The following PARD3B variants were observed in gnomAD, a reference collection of about 807,000 sequenced individuals.
PARD3B encodes the protein par-3 family cell polarity regulator beta, also known as partitioning defective 3 homolog B.
A neutral mutation model predicts 130.2 loss-of-function variants in PARD3B; 103 were observed. The ratio of observed to expected loss-of-function variants is 0.79; its 90% CI spans 0.67 to 0.93. PARD3B has a LOEUF of 0.93. Among genes scored for constraint, PARD3B ranks in the 40% least tolerant of loss-of-function variants. The pLI, the probability that PARD3B is intolerant of heterozygous loss-of-function variation, is 0.00. For missense variants in PARD3B, 1,609 were observed against 1,499.2 expected (o/e 1.07, Z -1.21); for synonymous variants, 583 against 553.2 (o/e 1.05, Z -0.76).
intron 2 of PARD3B, among the ~76,000 whole-genome samples, chr2:204,952,803 C>G (rs1689885179): frequency 6.6e-6 from 1 of 151,846 alleles, no homozygotes; most frequent in Non-Finnish European, 1.5e-5. Flanking sequence ...TGGAGACCAT[C>G]CTGGCTAACA....
rs1002444330 is a variant in PARD3B, at chr2:204,890,250, A to T, written c.223-74902A>T. ...TACAGGAAGGTATGCTTTGGTTCAG[A>T]ACTGCATACATAGTAGGCATTTTAT... On this transcript the variant is annotated intron_variant, in intron 2 of 22. Coordinates refer to ENST00000406610, the MANE Select transcript of PARD3B (RefSeq NM_001302769.2). The surrounding 1 kb of genome is among the most constrained non-coding windows in gnomAD (Gnocchi z 4.9). Among the ~76,000 whole-genome samples, 22 of 152,334 alleles carry T rather than the reference A, an allele frequency of 1.4e-4. No homozygotes were observed. The East Asian group carries it at 3.5e-3, about 24-fold the overall frequency.
chr2:204,854,886 T>C (rs1371474051), intron 2 of PARD3B, among the ~76,000 whole-genome samples: 1 of 151,940 alleles, frequency 6.6e-6, no homozygotes, highest in African/African-American at 2.4e-5. Flanking sequence ...AGGTTTTTAA[T>C]AGGAAGAAAA....
chr2:205,205,661 G>T (rs1196149899), intron 15 of PARD3B, among the ~76,000 whole-genome samples: 1 of 152,146 alleles, frequency 6.6e-6, no homozygotes, highest in Non-Finnish European at 1.5e-5. Flanking sequence ...CTGAAGCAGT[G>T]TTGAATTTTA....
At chr2:204,951,413 G>A (rs1023756052) in intron 2 of PARD3B, among the ~76,000 whole-genome samples, 2 of 151,952 alleles carry the variant, frequency 1.3e-5, no homozygotes, top group Non-Finnish European at 2.9e-5. Flanking sequence ...ACCTAAAATC[G>A]TCCTGCCAGC....
chr2:204,855,554 T>A (rs59111668), intron 2 of PARD3B, among the ~76,000 whole-genome samples: 22,606 of 126,402 alleles, frequency 0.18, 1,730 homozygotes, highest in African/African-American at 0.28. Context: ...GAAAAAAAAA[T>A]ATATATATAT....
chr2:204,838,619 T>C (rs1368485617), intron 2 of PARD3B, among the ~76,000 whole-genome samples: 1 of 152,032 alleles, frequency 6.6e-6, no homozygotes. Context: ...ATATACAGTG[T>C]GATAGAAGAA....
At chr2:205,025,546 A>G (rs1696951490) in intron 3 of PARD3B, among the ~76,000 whole-genome samples, 1 of 152,098 alleles carries the variant, frequency 6.6e-6, no homozygotes, top group African/African-American at 2.4e-5. Context: ...TGTTGACAGA[A>G]TTTGTGCCAC....
chr2:204,940,031 A>T (rs1301787657), intron 2 of PARD3B, among the ~76,000 whole-genome samples: 1 of 152,220 alleles, frequency 6.6e-6, no homozygotes, highest in East Asian at 1.9e-4. Flanking sequence ...AAAGATAAGC[A>T]TTGCTTTCAC....
At chr2:204,838,179 C>T (rs1384965495) in intron 2 of PARD3B, among the ~76,000 whole-genome samples, 1 of 138,832 alleles carries the variant, frequency 7.2e-6, no homozygotes, top group Non-Finnish European at 1.7e-5. Context: ...GTTTTGTTTT[C>T]GTTATTATTA....
chr2:205,341,373 A>C lies in PARD3B; in HGVS notation c.2630+39672A>C, dbSNP rs1339913586. On this transcript the variant is annotated intron_variant, in intron 18 of 22. Transcript: ENST00000406610. This position sits in a 1 kb window ranked among gnomAD's most constrained non-coding sequence, Gnocchi z 4.3. Reference sequence around the variant, plus strand: ...CATTAACAGATGAGTAATTAAAGAAAATGTGGTATATATACACAATGGAAT... The same window carrying C: ...CATTAACAGATGAGTAATTAAAGAACATGTGGTATATATACACAATGGAAT... Among the ~76,000 whole-genome samples the C allele has an allele frequency of 5.9e-5, 9 of 152,294 alleles. No homozygotes were observed. The East Asian group carries it at 1.7e-3, about 29-fold the overall frequency.
rs758366608 is a variant in PARD3B, at chr2:205,265,138, G to T, written c.2185+19316G>T. 2.0e-5 allele frequency among the ~76,000 whole-genome samples: 3 copies of T among 152,012 alleles called. No individual in the cohort carries two copies. The highest frequency in any genetic ancestry group is 4.4e-5 in the Non-Finnish European group (3 of 67,918). On this transcript the variant is annotated intron_variant, in intron 16 of 22. Coordinates refer to ENST00000406610, the MANE Select transcript of PARD3B (RefSeq NM_001302769.2). This position sits in a 1 kb window ranked among gnomAD's most constrained non-coding sequence, Gnocchi z 4.3. Reference sequence around the variant, plus strand: ...AATACTTCATTTTTTAGGCAAGAATGGTAATCGGTTCTGTTCTATTAGCCT... The same window carrying T: ...AATACTTCATTTTTTAGGCAAGAATTGTAATCGGTTCTGTTCTATTAGCCT...
rs1029636394 is a variant in PARD3B, at chr2:205,463,943, C to T, written c.3044+23271C>T. On this transcript the variant is annotated intron_variant, in intron 20 of 22. Transcript: ENST00000406610. The surrounding 1 kb of genome is among the most constrained non-coding windows in gnomAD (Gnocchi z 4.8). The stretch of plus-strand genomic sequence containing the variant: ...AGGGATCTTCACTAAAACCTTCATC[C>T]CAGGTAACCAGGCAGATTTTATTTC... Among the ~76,000 whole-genome samples, 3 of 152,086 alleles carry T rather than the reference C, an allele frequency of 2.0e-5. No homozygotes were observed. The highest frequency in any genetic ancestry group is 2.9e-5 in the Non-Finnish European group (2 of 68,004).
rs1054051398 is a variant in PARD3B at position 204,610,194 on chromosome 2, C to T, written c.120+64075C>T. Reference sequence around the variant, plus strand: ...TCAGTTTTTCAGGTTTCTCTGGAGTCCCCTTGGCCATGAGGGACATCCATT... The same window carrying T: ...TCAGTTTTTCAGGTTTCTCTGGAGTTCCCTTGGCCATGAGGGACATCCATT... On this transcript the variant is annotated intron_variant, in intron 1 of 22. Transcript: ENST00000406610. The surrounding 1 kb of genome is among the most constrained non-coding windows in gnomAD (Gnocchi z 4.1). 1.6e-4 allele frequency among the ~76,000 whole-genome samples: 24 copies of T among 152,256 alleles called. No homozygotes were observed. Among genetic ancestry groups the T allele is most frequent in the African/African-American group, 2.2e-4 (9 of 41,570 alleles).
Position 205,280,786 on chromosome 2 carries a change from A to C in PARD3B, c.2186-19744A>C, listed in dbSNP as rs1320628887. ...GGTAGAATTTGTTGAGGCCTAAAGA[A>C]GTAAGCTCTTGATGGATGGGGAACA... On this transcript the variant is annotated intron_variant, in intron 16 of 22. Coordinates refer to ENST00000406610, the MANE Select transcript of PARD3B (RefSeq NM_001302769.2). This position sits in a 1 kb window ranked among gnomAD's most constrained non-coding sequence, Gnocchi z 4.7. Among the ~76,000 whole-genome samples, 4 of 152,234 alleles carry C rather than the reference A, an allele frequency of 2.6e-5. No homozygotes were observed. The highest frequency in any genetic ancestry group is 4.4e-5 in the Non-Finnish European group (3 of 68,040).
intron 3 of PARD3B, among the ~76,000 whole-genome samples, chr2:204,982,459 C>G (rs938677258): frequency 6.6e-6 from 1 of 152,194 alleles, no homozygotes; most frequent in Non-Finnish European, 1.5e-5. Flanking sequence ...AAGTTAAGCA[C>G]ACAAGTACAG....
chr2:205,390,842 T>A (rs1221497265), intron 18 of PARD3B, among the ~76,000 whole-genome samples: 2 of 152,264 alleles, frequency 1.3e-5, no homozygotes, highest in African/African-American at 4.8e-5. Flanking sequence ...TGTTACTTTA[T>A]GCTATGGAAA....
chr2:205,261,040 T>A (rs2105762672), intron 16 of PARD3B, among the ~76,000 whole-genome samples: 1 of 152,228 alleles, frequency 6.6e-6, no homozygotes, highest in Admixed American at 6.5e-5. Flanking sequence ...CACTGTTGGT[T>A]TTTTCACTTG....
chr2:205,416,138 G>A (rs1340996566), intron 19 of PARD3B, among the ~76,000 whole-genome samples: 5 of 152,092 alleles, frequency 3.3e-5, no homozygotes, highest in Admixed American at 2.0e-4. Context: ...CTGAGGGCAT[G>A]CTTCTGGTAT....
At chr2:205,009,282 AAATT>A (rs933141451) in intron 3 of PARD3B, among the ~76,000 whole-genome samples, 3 of 152,228 alleles carry the variant, frequency 2.0e-5, no homozygotes, top group African/African-American at 7.2e-5. Context: ...TTTCTAGAAA[AAATT>A]AATTGATATT....
Sources: gnomAD v4.1 joint callset for allele counts (sites outside exome capture counted in the v4.1 genomes callset) on GRCh38, gnomAD v4.1.1 for gene constraint, Gnocchi (gnomAD v3.1) non-coding constraint, MANE v1.5 for transcripts, NCBI Gene and HGNC (gene_info 2026-07-23, HGNC 2026-07-21) for gene names.